SLC27A6: variants seen among roughly 807,000 people sequenced by gnomAD.
SLC27A6 encodes long-chain fatty acid transport protein 6.
A neutral mutation model predicts 63.9 loss-of-function variants in SLC27A6; 74 were observed. That is an observed-to-expected ratio of 1.16 (90% confidence interval 0.96 to 1.40). SLC27A6 has a LOEUF of 1.40. Ranked by LOEUF, SLC27A6 falls within the 40% of genes most tolerant of loss-of-function variation. The probability of loss-of-function intolerance (pLI) is 0.00; values close to 1 mark genes in which losing one functional copy is unlikely to be tolerated. For synonymous variants in SLC27A6, 287 were observed against 260.8 expected, an observed-to-expected ratio of 1.10 and a Z score of -0.97; for missense variants, 794 against 732.9, an observed-to-expected ratio of 1.08 and a Z score of -0.96.
chr5:129,019,554 G>T (rs559275440), intron 5 of SLC27A6, among the ~76,000 whole-genome samples: 2 of 151,944 alleles, frequency 1.3e-5, no homozygotes, highest in African/African-American at 2.4e-5. Context: ...TTACTCACAG[G>T]CTTGAAAACT....
At chr5:128,978,180 A>G (rs1479457426) in intron 1 of SLC27A6, among the ~76,000 whole-genome samples, 5 of 152,334 alleles carry the variant, frequency 3.3e-5, no homozygotes, top group African/African-American at 1.2e-4. Flanking sequence ...TTATCTGTGT[A>G]TAAAAAACTT....
At chr5:128,968,613 GA>G (rs562847927) in intron 1 of SLC27A6, among the ~76,000 whole-genome samples, 1 of 151,988 alleles carries the variant, frequency 6.6e-6, no homozygotes, top group African/African-American at 2.4e-5. Flanking sequence ...GGGGTTGTTT[GA>G]TTTTTTTCTT....
At chr5:128,983,446 C>G (rs890706402) in intron 1 of SLC27A6, among the ~76,000 whole-genome samples, 3 of 151,908 alleles carry the variant, frequency 2.0e-5, no homozygotes, top group Non-Finnish European at 4.4e-5. Context: ...GCACCCATCA[C>G]CATACCTGGC....
intron 4 of SLC27A6, among the ~76,000 whole-genome samples, chr5:129,006,026 T>C (rs1336655996): frequency 6.6e-6 from 1 of 150,956 alleles, no homozygotes; most frequent in Non-Finnish European, 1.5e-5. Context: ...GATAATATCT[T>C]ATTATGTATT....
chr5:128,983,613 A>G (rs1750690088), intron 1 of SLC27A6, among the ~76,000 whole-genome samples: 1 of 152,086 alleles, frequency 6.6e-6, no homozygotes. Flanking sequence ...TCTATTTTAC[A>G]TTTAGCACCA....
At chr5:129,001,607 A>T (rs1180125260) in intron 4 of SLC27A6, among the ~76,000 whole-genome samples, 1 of 152,204 alleles carries the variant, frequency 6.6e-6, no homozygotes, top group African/African-American at 2.4e-5. Flanking sequence ...ATGGTTAGTT[A>T]TCTAAAGCTG....
At chr5:129,017,950 A>G (rs1305793866) in intron 5 of SLC27A6, among the ~76,000 whole-genome samples, 1 of 152,032 alleles carries the variant, frequency 6.6e-6, no homozygotes, top group Non-Finnish European at 1.5e-5. Context: ...AGGAGAAAAA[A>G]CTTCCCAACT....
intron 4 of SLC27A6, among the ~76,000 whole-genome samples, chr5:128,996,846 G>A (rs934792375): frequency 1.2e-4 from 18 of 152,070 alleles, no homozygotes; most frequent in Admixed American, 2.0e-4. Context: ...CTTGATCTTC[G>A]TATCTTGAAC....
chr5:129,022,636 C>T (rs191131031), intron 5 of SLC27A6, among the ~76,000 whole-genome samples: 15 of 152,102 alleles, frequency 9.9e-5, no homozygotes, highest in African/African-American at 3.4e-4. Flanking sequence ...TGTTTGATTG[C>T]TGAGTAGAAC....
At position 128,984,838 on chromosome 5, in the gene SLC27A6, T is replaced by C. The variant is rs184386724; in HGVS notation, c.482-295T>C. 4.1e-3 allele frequency among the ~76,000 whole-genome samples: 627 copies of C among 152,340 alleles called. 8 individuals are homozygous for C. Among genetic ancestry groups the C allele is most frequent in the Middle Eastern group, 6.8e-3 (2 of 294 alleles). The stretch of plus-strand genomic sequence containing the variant: ...ATTTAGATTCAGACAGAGTTTTAAA[T>C]AGTTTTATTTAAAAATTGGTGGAGG... On this transcript the variant is annotated intron_variant, in intron 1 of 9. Coordinates refer to ENST00000262462, the MANE Select transcript of SLC27A6 (RefSeq NM_001017372.3).
At chr5:129,006,424 T>C (rs553511909) in intron 4 of SLC27A6, among the ~76,000 whole-genome samples, 1 of 147,048 alleles carries the variant, frequency 6.8e-6, no homozygotes, top group East Asian at 2.0e-4. Context: ...TCTCTCACCT[T>C]TCATATATGT....
intron 1 of SLC27A6, among the ~76,000 whole-genome samples, chr5:128,976,919 G>A (rs11740497): frequency 0.28 from 43,276 of 152,046 alleles, 6,454 homozygotes; most frequent in Non-Finnish European, 0.31. Context: ...TATTAAGAAA[G>A]GATGGAGAAT....
chr5:128,996,824 G>A (rs4091541), intron 4 of SLC27A6, among the ~76,000 whole-genome samples: 34,965 of 151,938 alleles, frequency 0.23, 5,141 homozygotes, highest in East Asian at 0.7. Flanking sequence ...AGGAGAGATC[G>A]AATGATGCTA....
At chr5:128,970,436 G>A (rs559430397) in intron 1 of SLC27A6, among the ~76,000 whole-genome samples, 1 of 152,112 alleles carries the variant, frequency 6.6e-6, no homozygotes, top group Non-Finnish European at 1.5e-5. Context: ...CAATTTCAGA[G>A]CCTGTTATTG....
intron 4 of SLC27A6, among the ~76,000 whole-genome samples, chr5:128,991,965 T>C (rs1750997608): frequency 6.6e-6 from 1 of 151,652 alleles, no homozygotes; most frequent in Non-Finnish European, 1.5e-5. Flanking sequence ...TAAACATTCT[T>C]GAGACTATAA....
chr5:129,028,658 AT>A (rs35862007), intron 8 of SLC27A6, among the ~76,000 whole-genome samples: 4,420 of 141,818 alleles, frequency 0.031, 166 homozygotes, highest in African/African-American at 0.094. Flanking sequence ...GCCTGCGTGT[AT>A]TTTTTTTTTT....
In SLC27A6 at chr5:128,966,342, C is replaced by A. The variant is rs752114675; in HGVS notation, c.205C>A (p.Arg69=). The change falls in exon 1 of 10, where the codon CGG becomes AGG. Residue 69 remains arginine (R), a synonymous_variant. Coordinates refer to ENST00000262462, the MANE Select transcript of SLC27A6 (RefSeq NM_001017372.3). Reference sequence around the variant, plus strand: ...CTTGAGTCATGCCAAAAGACAACCTCGGAAACCTTTCATCATCTATGAGGG... The same window carrying A: ...CTTGAGTCATGCCAAAAGACAACCTAGGAAACCTTTCATCATCTATGAGGG... ...KFLSHAKRQP[R]KPFIIYEGDI... is the part of the protein sequence containing the mutation. The A allele has an allele frequency of 1.2e-6, 2 of 1,613,998 alleles. No individual in the cohort carries two copies. Among genetic ancestry groups the A allele is most frequent in the South Asian group, 1.1e-5 (1 of 91,082 alleles).
At chr5:128,973,004 T>C (rs1276165812) in intron 1 of SLC27A6, among the ~76,000 whole-genome samples, 1 of 152,224 alleles carries the variant, frequency 6.6e-6, no homozygotes, top group African/African-American at 2.4e-5. Context: ...TTTATTAGTT[T>C]TCCTTCTAAC....
rs144627702 is a variant in SLC27A6, at chr5:129,022,733, T to C, written c.1165-887T>C. Among the ~76,000 whole-genome samples, 556 of 152,014 alleles carry C rather than the reference T, an allele frequency of 3.7e-3. 14 individuals are homozygous for C. The highest frequency in any genetic ancestry group is 0.033 in the Admixed American group (510 of 15,252). The stretch of plus-strand genomic sequence containing the variant: ...CCAGCTGCATGGAGGGATAAGGTGG[T>C]AGGATTGCTTGAGCCTGGGAGGCAG... On this transcript the variant is annotated intron_variant, in intron 5 of 9. Transcript: ENST00000262462.
Sources: gnomAD v4.1 joint callset for allele counts (sites outside exome capture counted in the v4.1 genomes callset) on GRCh38, gnomAD v4.1.1 for gene constraint, MANE v1.5 for transcripts, NCBI Gene and HGNC (gene_info 2026-07-23, HGNC 2026-07-21) for gene names.